Variants in AHI1 observed in about 807,000 individuals in gnomAD.
AHI1 encodes jouberin.
A neutral mutation model predicts 149.3 loss-of-function variants in AHI1; 123 were observed. That is an observed-to-expected ratio of 0.82 (90% CI 0.71 to 0.96). The LOEUF is 0.96. Among genes scored for constraint, AHI1 ranks in the 40% least tolerant of loss-of-function variants. The pLI is 0.00. For synonymous variants in AHI1, 475 were observed against 459.8 expected (o/e 1.03, Z -0.42); for missense variants, 1,439 against 1,422.7 (o/e 1.01, Z -0.18).
chr6:135,325,638 G>C (rs1787555119), intron 24 of AHI1, among the ~76,000 whole-genome samples: 1 of 152,192 alleles, frequency 6.6e-6, no homozygotes, highest in African/African-American at 2.4e-5. Flanking sequence ...GTAAGTGATA[G>C]AATCAAGACT....
At chr6:135,311,051 C>T (rs554635350) in intron 26 of AHI1, among the ~76,000 whole-genome samples, 6 of 152,116 alleles carry the variant, frequency 3.9e-5, no homozygotes, top group African/African-American at 1.2e-4. Context: ...CTTGTCATCG[C>T]AGCACTTTGG....
intron 13 of AHI1, among the ~76,000 whole-genome samples, chr6:135,446,309 G>A (rs73562100): frequency 2.5e-4 from 38 of 152,278 alleles, no homozygotes; most frequent in African/African-American, 9.1e-4. Context: ...CCAATAGGGG[G>A]AGAGACAACA....
chr6:135,446,167 C>T (rs1008869101), intron 13 of AHI1, among the ~76,000 whole-genome samples: 8 of 152,170 alleles, frequency 5.3e-5, no homozygotes, highest in Non-Finnish European at 1.0e-4. Context: ...CACTCACACC[C>T]CCACCCCTTG....
intron 27 of AHI1, among the ~76,000 whole-genome samples, chr6:135,291,794 A>C (rs904905935): frequency 3.9e-5 from 6 of 152,232 alleles, no homozygotes; most frequent in African/African-American, 1.4e-4. Flanking sequence ...AAGCTCTGAA[A>C]AAAAGCACTG....
intron 24 of AHI1, among the ~76,000 whole-genome samples, chr6:135,340,654 CAT>C (rs1290327693): frequency 5.1e-5 from 3 of 58,568 alleles, no homozygotes; most frequent in Non-Finnish European, 7.7e-5. Flanking sequence ...TATATACATA[CAT>C]ACATATATAT....
intron 11 of AHI1, among the ~76,000 whole-genome samples, chr6:135,452,868 A>G (rs1377415826): frequency 6.6e-6 from 1 of 152,102 alleles, no homozygotes; most frequent in Non-Finnish European, 1.5e-5. Context: ...TCTCTTCCTC[A>G]GGAATGTTTT....
At chr6:135,301,482 T>C (rs1783876519) in intron 26 of AHI1, 1 of 985,450 alleles carries the variant, frequency 1.0e-6, no homozygotes, top group Non-Finnish European at 1.2e-6. Context: ...CCTTTTTAGA[T>C]TTCCTTCTTC....
chr6:135,308,120 G>A (rs1309953369), intron 26 of AHI1, among the ~76,000 whole-genome samples: 6 of 152,320 alleles, frequency 3.9e-5, no homozygotes, highest in East Asian at 1.9e-4. Context: ...TTTGGCCACT[G>A]TCTAAAGGAC....
At chr6:135,492,984 T>TAA (rs11423493) in intron 3 of AHI1, 38,324 of 806,926 alleles carry the variant, frequency 0.047, 2,798 homozygotes, top group African/African-American at 0.32. Context: ...TGAAGAGTGT[T>TAA]AAAAAAAAAG....
intron 26 of AHI1, among the ~76,000 whole-genome samples, chr6:135,304,518 T>C (rs1266066310): frequency 6.6e-6 from 1 of 152,134 alleles, no homozygotes; most frequent in Non-Finnish European, 1.5e-5. Context: ...ACACCTGTAA[T>C]CCCAGCACTT....
rs749649946 is a variant in AHI1 at position 135,323,212 on chromosome 6, A to G, written c.3278T>C (p.Ile1093Thr). The G allele has an allele frequency of 1.7e-5, 27 of 1,613,668 alleles. No individual in the cohort carries two copies. Among genetic ancestry groups the G allele is most frequent in the Non-Finnish European group, 2.2e-5 (26 of 1,179,794 alleles). The change falls in exon 25 of 29, where the codon ATA becomes ACA. Residue 1093 changes from isoleucine to threonine, a missense_variant. Ile to Thr is a moderately conservative substitution (Grantham distance 89, BLOSUM62 -1). Coordinates refer to ENST00000265602, the MANE Select transcript of AHI1 (RefSeq NM_001134831.2). Reference sequence around the variant, plus strand: ...AAAATAACCTTCCTGTCCCTTTCCTATGCTGCCATACCACCAGTCTTCATT... The same window carrying G: ...AAAATAACCTTCCTGTCCCTTTCCTGTGCTGCCATACCACCAGTCTTCATT... The part of the protein sequence containing the change: ...KDNEDWWYGS[I>T]GKGQEGYFPA...
chr6:135,464,184 CA>C (rs998494289), intron 7 of AHI1, among the ~76,000 whole-genome samples: 170 of 146,020 alleles, frequency 1.2e-3, no homozygotes, highest in East Asian at 2.8e-3. Context: ...AGTCATATTT[CA>C]AAAAAAAAAT....
chr6:135,301,080 A>G, intron 26 of AHI1: 7 of 985,328 alleles, frequency 7.1e-6, no homozygotes, highest in Non-Finnish European at 8.4e-6. Context: ...AGCACTTTCA[A>G]GGGTACCAAA....
At chr6:135,300,714 C>A in intron 26 of AHI1, 156 bp from the exon 27 acceptor site, 2 of 1,302,760 alleles carry the variant, frequency 1.5e-6, no homozygotes, top group East Asian at 3.1e-5. Flanking sequence ...CATATATTGT[C>A]TATCAGGACA....
chr6:135,343,020 A>G, intron 24 of AHI1, among the ~76,000 whole-genome samples: 1 of 151,780 alleles, frequency 6.6e-6, no homozygotes, highest in Non-Finnish European at 1.5e-5. Context: ...AGACAATCTC[A>G]AAGAACTGAT....
At chr6:135,386,576 C>G (rs1281040583) in intron 23 of AHI1, among the ~76,000 whole-genome samples, 1 of 152,054 alleles carries the variant, frequency 6.6e-6, no homozygotes, top group African/African-American at 2.4e-5. Flanking sequence ...TCCCAAAGTG[C>G]TGGGATTACA....
chr6:135,392,708 G>T (rs1158635856), intron 23 of AHI1, among the ~76,000 whole-genome samples: 1 of 152,100 alleles, frequency 6.6e-6, no homozygotes. Flanking sequence ...AAACTGATTT[G>T]AACACTGAAT....
chr6:135,368,928 T>C (rs191922587), intron 23 of AHI1, among the ~76,000 whole-genome samples: 3 of 152,358 alleles, frequency 2.0e-5, no homozygotes, highest in Admixed American at 2.0e-4. Flanking sequence ...TTGGATTCTG[T>C]CCAGGAAACT....
chr6:135,477,566 C>A (rs1792883650), intron 5 of AHI1, among the ~76,000 whole-genome samples: 1 of 152,124 alleles, frequency 6.6e-6, no homozygotes, highest in African/African-American at 2.4e-5. Context: ...TGGGAGGTGA[C>A]TGAATCATGG....
Sources: allele counts gnomAD v4.1 joint callset (sites outside exome capture counted in the v4.1 genomes callset), GRCh38; gene constraint gnomAD v4.1.1; transcripts MANE v1.5; gene names NCBI Gene and HGNC (gene_info 2026-07-23, HGNC 2026-07-21).